Variants in PTPRM observed in about 807,000 individuals in gnomAD.
PTPRM encodes protein tyrosine phosphatase receptor type M, also known as receptor-type tyrosine-protein phosphatase mu.
In PTPRM, 47 loss-of-function variants were observed where a neutral mutation model predicts 186.7. The ratio of observed to expected loss-of-function variants is 0.25; its 90% confidence interval spans 0.20 to 0.32. The LOEUF (loss-of-function observed/expected upper bound fraction) is 0.32. Among genes scored for constraint, PTPRM ranks in the 10% least tolerant of loss-of-function variants. The pLI, the probability that PTPRM is intolerant of heterozygous loss-of-function variation, is 1.00. For synonymous variants in PTPRM, 668 were observed against 674.9 expected (o/e 0.99, Z 0.16); for missense variants, 1,494 against 1,865.0 (o/e 0.80, Z 3.66).
chr18:8,367,558 G>A (rs1256753962), intron 23 of PTPRM, among the ~76,000 whole-genome samples: 2 of 152,278 alleles, frequency 1.3e-5, no homozygotes, highest in Non-Finnish European at 2.9e-5. Flanking sequence ...GGCGGCTGCT[G>A]CCTGCAGCCG....
rs781343892 is a variant in PTPRM at position 7,955,226 on chromosome 18, C to G, written c.944C>G (p.Ala315Gly). The G allele has an allele frequency of 6.2e-6, 10 of 1,614,146 alleles. No individual in the cohort carries two copies. The highest frequency in any genetic ancestry group is 5.1e-6 in the Non-Finnish European group (6 of 1,180,046). Reference sequence around the variant, plus strand: ...ATCAATGGGGATGGGCCCATTGTGGCCCGAGAGGTGGAGTACTGCACGGCC... The same window carrying G: ...ATCAATGGGGATGGGCCCATTGTGGGCCGAGAGGTGGAGTACTGCACGGCC... ...NSINGDGPIV[A>G]REVEYCTASG... The change falls in exon 7 of 33, where the codon GCC becomes GGC. Residue 315 changes from alanine to glycine, a missense_variant. By Grantham distance (60) the Ala-to-Gly change is moderately conservative (BLOSUM62 0). This residue lies in a region of PTPRM where 91 missense variants were observed against 169.3 expected (regional missense o/e 0.54). Transcript: ENST00000580170.
intron 11 of PTPRM, among the ~76,000 whole-genome samples, chr18:8,095,160 T>C (rs2090952717): frequency 6.6e-6 from 1 of 152,050 alleles, no homozygotes; most frequent in Non-Finnish European, 1.5e-5. Flanking sequence ...GAGAGCAACA[T>C]GGAATCTAGT....
chr18:8,050,083 G>A (rs1431107607), intron 7 of PTPRM, among the ~76,000 whole-genome samples: 1 of 152,170 alleles, frequency 6.6e-6, no homozygotes, highest in Non-Finnish European at 1.5e-5. Context: ...AAGACTGAAA[G>A]GAACTGAAGG....
At chr18:7,965,195 G>A (rs961348480) in intron 7 of PTPRM, among the ~76,000 whole-genome samples, 9 of 151,998 alleles carry the variant, frequency 5.9e-5, no homozygotes, top group South Asian at 2.1e-4. Flanking sequence ...ACAGGCACGC[G>A]CCACCACGCC....
At chr18:7,911,798 T>C (rs1441761775) in intron 4 of PTPRM, among the ~76,000 whole-genome samples, 1 of 150,818 alleles carries the variant, frequency 6.6e-6, no homozygotes, top group Non-Finnish European at 1.5e-5. Flanking sequence ...ATAATTCTTC[T>C]AAGATCACAA....
intron 4 of PTPRM, among the ~76,000 whole-genome samples, chr18:7,911,818 G>A (rs989999406): frequency 2.1e-4 from 25 of 116,990 alleles, no homozygotes; most frequent in African/African-American, 8.0e-4. Context: ...AAGCTTTTCT[G>A]TGTTTTTTCC....
intron 1 of PTPRM, among the ~76,000 whole-genome samples, chr18:7,610,387 G>A (rs1470069592): frequency 6.6e-6 from 1 of 151,482 alleles, no homozygotes; most frequent in Non-Finnish European, 1.5e-5. Flanking sequence ...TTTTTTTCTA[G>A]TATTAAGTCA....
At chr18:7,730,721 T>C (rs1598450953) in intron 1 of PTPRM, among the ~76,000 whole-genome samples, 1 of 152,266 alleles carries the variant, frequency 6.6e-6, no homozygotes, top group East Asian at 1.9e-4. Context: ...TCCAGAAACA[T>C]TTTTCCTTCA....
At chr18:7,854,504 G>A (rs1397446421) in intron 2 of PTPRM, among the ~76,000 whole-genome samples, 1 of 152,102 alleles carries the variant, frequency 6.6e-6, no homozygotes, top group Non-Finnish European at 1.5e-5. Flanking sequence ...CATTACAGAT[G>A]GAAAGTTTGT....
chr18:7,988,385 T>A (rs376652955), intron 7 of PTPRM, among the ~76,000 whole-genome samples: 4 of 152,214 alleles, frequency 2.6e-5, no homozygotes, highest in Non-Finnish European at 5.9e-5. Context: ...GGCTTTAAAA[T>A]TTTTTATTTT....
At chr18:7,798,946 A>G (rs1312216945) in intron 2 of PTPRM, among the ~76,000 whole-genome samples, 3 of 152,220 alleles carry the variant, frequency 2.0e-5, no homozygotes, top group Admixed American at 1.3e-4. Flanking sequence ...GTAATTACAC[A>G]GACTTGACAA....
intron 14 of PTPRM, among the ~76,000 whole-genome samples, chr18:8,228,441 T>C (rs74800534): frequency 0.082 from 12,426 of 152,234 alleles, 645 homozygotes; most frequent in Middle Eastern, 0.34. Context: ...CCAGGGCTGT[T>C]ATATTGTCAT....
chr18:7,930,603 G>A (rs2051429586), intron 5 of PTPRM, among the ~76,000 whole-genome samples: 1 of 152,084 alleles, frequency 6.6e-6, no homozygotes, highest in Admixed American at 6.5e-5. Context: ...ATACCGTCTT[G>A]TTGAATTTGG....
chr18:8,042,975 C>G (rs1475589419), intron 7 of PTPRM, among the ~76,000 whole-genome samples: 1 of 152,180 alleles, frequency 6.6e-6, no homozygotes, highest in Non-Finnish European at 1.5e-5. Flanking sequence ...TCTCAACCGC[C>G]TACAGCTGCT....
intron 2 of PTPRM, among the ~76,000 whole-genome samples, chr18:7,790,077 G>A (rs992657153): frequency 5.9e-5 from 9 of 152,186 alleles, no homozygotes; most frequent in Non-Finnish European, 1.0e-4. Flanking sequence ...GGCCTCTGCT[G>A]TTGCCCCAGG....
At chr18:7,934,587 C>A (rs2051688690) in intron 5 of PTPRM, among the ~76,000 whole-genome samples, 1 of 152,188 alleles carries the variant, frequency 6.6e-6, no homozygotes, top group African/African-American at 2.4e-5. Flanking sequence ...GTTTATATTA[C>A]TGACTTCAGC....
intron 14 of PTPRM, among the ~76,000 whole-genome samples, chr18:8,223,627 T>G (rs1166711469): frequency 6.6e-6 from 1 of 152,168 alleles, no homozygotes; most frequent in Non-Finnish European, 1.5e-5. Flanking sequence ...GTTACATGAT[T>G]GAAAAAGAAA....
At chr18:7,943,733 G>A (rs1475853547) in intron 5 of PTPRM, among the ~76,000 whole-genome samples, 2 of 151,974 alleles carry the variant, frequency 1.3e-5, no homozygotes, top group Non-Finnish European at 2.9e-5. Flanking sequence ...AGAGCCCGTC[G>A]GCACAACCTC....
intron 19 of PTPRM, among the ~76,000 whole-genome samples, chr18:8,289,436 ATATATACG>A (rs1266841084): frequency 8.0e-5 from 11 of 136,718 alleles, no homozygotes; most frequent in South Asian, 2.3e-4. Context: ...ATATATATGT[ATATATACG>A]TATATATGTA....
Sources: gnomAD v4.1 joint callset for allele counts (sites outside exome capture counted in the v4.1 genomes callset) on GRCh38, gnomAD v4.1.1 for gene constraint, gnomAD v4.1.1 regional missense constraint, MANE v1.5 for transcripts, NCBI Gene and HGNC (gene_info 2026-07-23, HGNC 2026-07-21) for gene names.